The following TPD52L3 variants were observed in gnomAD, a reference collection of about 807,000 sequenced individuals.
TPD52L3 encodes tumor protein D55.
A neutral mutation model predicts 8.7 loss-of-function variants in TPD52L3; 12 were observed. The observed-to-expected ratio is 1.38, with a 90% CI of 0.89 to 2.24. The LOEUF (loss-of-function observed/expected upper bound fraction) is 2.24, where lower values mean the gene tolerates loss of function less well. Among genes scored for constraint, TPD52L3 ranks in the 30% most tolerant of loss-of-function variants. The pLI, the probability that TPD52L3 is intolerant of heterozygous loss-of-function variation, is 0.00. For synonymous variants in TPD52L3, 79 were observed against 66.8 expected, an observed-to-expected ratio of 1.18 and a Z score of -0.89; for missense variants, 207 against 158.7, an observed-to-expected ratio of 1.30 and a Z score of -1.64.
rs1818151963 is a variant in TPD52L3 at position 6,331,644 on chromosome 9, T to A, written c.*625T>A. 1 of 152,140 alleles carries A rather than the reference T, an allele frequency of 6.6e-6. No individual in the cohort carries two copies. Among genetic ancestry groups the A allele is most frequent in the African/African-American group, 2.4e-5 (1 of 41,436 alleles). 9.4% of individuals were successfully genotyped at this position (152,140 alleles called of 1,614,324 possible). On this transcript the variant is annotated 3_prime_UTR_variant, in exon 2 of 2. Coordinates refer to ENST00000314556, the MANE Select transcript of TPD52L3 (RefSeq NM_001001874.3). ...AAGCACTTAAGTAAAAAAGTAACTATCAAATTTTTGTTTTAGATTACTCTG... is the reference window on the plus strand; with the variant it reads ...AAGCACTTAAGTAAAAAAGTAACTAACAAATTTTTGTTTTAGATTACTCTG...
chr9:6,330,591 A>C, intron 1 of TPD52L3: 1 of 1,164,556 alleles, frequency 8.6e-7, no homozygotes, highest in Non-Finnish European at 1.1e-6. Context: ...CTGTAAAGTT[A>C]CTCATGTATC....
rs762613940 is a variant in TPD52L3, at chr9:6,328,928, C to T, written c.333C>T (p.Gly111=). 1.9e-6 allele frequency: 3 copies of T among 1,614,144 alleles called. No individual in the cohort carries two copies. Among genetic ancestry groups the T allele is most frequent in the Admixed American group, 3.3e-5 (2 of 60,026 alleles). The change falls in exon 1 of 2, where the codon GGC becomes GGT. Residue 111 remains glycine (G), a synonymous_variant. Coordinates refer to ENST00000314556, the MANE Select transcript of TPD52L3 (RefSeq NM_001001874.3). Reference sequence around the variant, plus strand: ...CTCTCATCTGCAGGAAGCTTGGAGGCGTGAAGAAGTCGGCCACATTCAGAT... The same window carrying T: ...CTCTCATCTGCAGGAAGCTTGGAGGTGTGAAGAAGTCGGCCACATTCAGAT... ...MGTLICRKLG[G]VKKSATFRSF...
At chr9:6,329,952 T>C in intron 1 of TPD52L3, 1 of 1,316,246 alleles carries the variant, frequency 7.6e-7, no homozygotes, top group Non-Finnish European at 9.7e-7. Flanking sequence ...ATAGCAGCAC[T>C]TCACTTAAAA....
intron 1 of TPD52L3, chr9:6,330,092 G>T: frequency 1.9e-6 from 3 of 1,586,738 alleles, no homozygotes; most frequent in South Asian, 2.3e-5. Flanking sequence ...TAAAAAGAAC[G>T]TCTGTCCCCT....
chr9:6,329,504 T>C (rs1424020783), intron 1 of TPD52L3: 3 of 1,011,504 alleles, frequency 3.0e-6, no homozygotes. Context: ...AACTAGCTTA[T>C]TAGAAAGCCA....
chr9:6,331,113 C>T lies in TPD52L3; in HGVS notation c.*94C>T, dbSNP rs574523295. 1.8e-5 allele frequency: 25 copies of T among 1,380,072 alleles called. No homozygotes were observed. In the East Asian group the frequency reaches 2.1e-4, roughly 11 times the overall value. 85.5% of individuals were successfully genotyped at this position (1,380,072 alleles called of 1,614,324 possible). ...TCCTTCTGCTTTTAAACAAAAATAT[C>T]GTGTTTATTCAAAGCCAATCTGAGA... On this transcript the variant is annotated 3_prime_UTR_variant, in exon 2 of 2. Transcript: ENST00000314556.
At chr9:6,329,891 T>C in intron 1 of TPD52L3, 2 of 1,227,720 alleles carry the variant, frequency 1.6e-6, no homozygotes, top group East Asian at 3.6e-5. Flanking sequence ...TTTCTTTATA[T>C]ATCAAAATGA....
chr9:6,329,040 TG>T (rs751197827), intron 1 of TPD52L3, 78 bp downstream of exon 1: 53 of 1,608,104 alleles, frequency 3.3e-5, no homozygotes, highest in Non-Finnish European at 4.5e-5. Context: ...CTGCGGAGGG[TG>T]GGGTTGATCT....
rs1029171733 is a variant in TPD52L3, at chr9:6,331,821, T to C, written c.*802T>C. ...ATATTATTGAAGCTGGAGTTGCACATTCATTTTGCTTTGGCTTTTTTGTAT... is the reference window on the plus strand; with the variant it reads ...ATATTATTGAAGCTGGAGTTGCACACTCATTTTGCTTTGGCTTTTTTGTAT... On this transcript the variant is annotated 3_prime_UTR_variant, in exon 2 of 2. Coordinates refer to ENST00000314556, the MANE Select transcript of TPD52L3 (RefSeq NM_001001874.3). 5.9e-5 allele frequency: 9 copies of C among 152,204 alleles called. No homozygotes were observed. The highest frequency in any genetic ancestry group is 2.2e-4 in the African/African-American group (9 of 41,458). The allele number at this position is 152,204 out of a possible 1,614,324, so 9.4% of individuals were successfully genotyped here.
rs928506214 is a variant in TPD52L3, at chr9:6,328,430, G to A, written c.-166G>A. On this transcript the variant is annotated 5_prime_UTR_variant, in exon 1 of 2. The change abolishes an upstream ATG in the 5' untranslated region. Transcript: ENST00000314556. ...GTGTCCATTGTACCAGCTGGGCCAT[G>A]GATCCCTCCCGCCTGAAATCTGACT... The A allele has an allele frequency of 3.8e-6, 3 of 788,680 alleles. No homozygotes were observed. The Admixed American group carries it at 7.9e-5, about 21-fold the overall frequency. 48.9% of individuals were successfully genotyped at this position (788,680 alleles called of 1,614,324 possible).
At position 6,328,453 on chromosome 9, in the gene TPD52L3, A is replaced by G; in HGVS notation, c.-143A>G. The G allele has an allele frequency of 4.0e-6, 4 of 1,012,110 alleles. No individual in the cohort carries two copies. The highest frequency in any genetic ancestry group is 1.4e-6 in the Non-Finnish European group (1 of 690,996). 62.7% of individuals were successfully genotyped at this position (1,012,110 alleles called of 1,614,324 possible). On this transcript the variant is annotated 5_prime_UTR_variant, in exon 1 of 2. Coordinates refer to ENST00000314556, the MANE Select transcript of TPD52L3 (RefSeq NM_001001874.3). Reference sequence around the variant, plus strand: ...ATGGATCCCTCCCGCCTGAAATCTGACTCCACCTGCCAAGAGTCTGAGCCT... The same window carrying G: ...ATGGATCCCTCCCGCCTGAAATCTGGCTCCACCTGCCAAGAGTCTGAGCCT...
intron 1 of TPD52L3, chr9:6,329,233 A>G (rs1818094144): frequency 2.2e-6 from 3 of 1,364,580 alleles, no homozygotes; most frequent in Non-Finnish European, 2.8e-6. Context: ...TACATTTGCA[A>G]CTCTGCCCAA....
rs1818156950 is a variant in TPD52L3 at position 6,331,875 on chromosome 9, T to G, written c.*856T>G. The G allele has an allele frequency of 6.6e-6, 1 of 152,190 alleles. No homozygotes were observed. The highest frequency in any genetic ancestry group is 1.5e-5 in the Non-Finnish European group (1 of 68,036). 9.4% of individuals were successfully genotyped at this position (152,190 alleles called of 1,614,324 possible). ...TGGTCATGGGCACCAAATAAAATGC[T>G]TCCATGAACATTTGGATTCTGGCTC... On this transcript the variant is annotated 3_prime_UTR_variant, in exon 2 of 2. Coordinates refer to ENST00000314556, the MANE Select transcript of TPD52L3 (RefSeq NM_001001874.3).
At chr9:6,329,507 G>T (rs1818101927) in intron 1 of TPD52L3, 2 of 1,011,548 alleles carry the variant, frequency 2.0e-6, no homozygotes, top group South Asian at 8.9e-5. Context: ...TAGCTTATTA[G>T]AAAGCCAAAG....
chr9:6,330,187 C>T (rs1185499120), intron 1 of TPD52L3: 2 of 1,613,844 alleles, frequency 1.2e-6, no homozygotes, highest in African/African-American at 2.7e-5. Context: ...TTTAGGAAAC[C>T]CTAAAGGAGA....
At position 6,328,404 on chromosome 9, in the gene TPD52L3, G is replaced by C; in HGVS notation, c.-192G>C. On this transcript the variant is annotated 5_prime_UTR_variant, in exon 1 of 2. Coordinates refer to ENST00000314556, the MANE Select transcript of TPD52L3 (RefSeq NM_001001874.3). ...GCCAGGTCGTCAACTCAACTGTCAA[G>C]GTGTCCATTGTACCAGCTGGGCCAT... 1.8e-6 allele frequency: 1 copy of C among 566,240 alleles called. No homozygotes were observed. 35.1% of individuals were successfully genotyped at this position (566,240 alleles called of 1,614,324 possible).
intron 1 of TPD52L3, chr9:6,330,171 C>G: frequency 6.2e-7 from 1 of 1,613,986 alleles, no homozygotes; most frequent in Non-Finnish European, 8.5e-7. Flanking sequence ...CAAGTCTGCC[C>G]TTCTTTTTAG....
In TPD52L3 at chr9:6,330,933, A is replaced by G. The variant is rs770493517; in HGVS notation, c.368-43A>G. Reference sequence around the variant, plus strand: ...CAACTCCGTAAAAGTAGTAAAGTACATATTTATTTTTGCTGATCATTGTTT... The same window carrying G: ...CAACTCCGTAAAAGTAGTAAAGTACGTATTTATTTTTGCTGATCATTGTTT... On this transcript the variant is annotated intron_variant, in intron 1 of 1. Coordinates refer to ENST00000314556, the MANE Select transcript of TPD52L3 (RefSeq NM_001001874.3). 2.5e-6 allele frequency: 4 copies of G among 1,608,140 alleles called. No individual in the cohort carries two copies. In the South Asian group the frequency reaches 4.5e-5, roughly 18 times the overall value.
rs1351491242 is a variant in TPD52L3 at position 6,330,721 on chromosome 9, T to C, written c.368-255T>C. ...TATCAACCAAAATGGCTTTGTATGC[T>C]GGAGAACAAGAGGTGAGCCTGCAGC... On this transcript the variant is annotated intron_variant, in intron 1 of 1. Coordinates refer to ENST00000314556, the MANE Select transcript of TPD52L3 (RefSeq NM_001001874.3). 6 of 1,264,738 alleles carry C rather than the reference T, an allele frequency of 4.7e-6. No individual in the cohort carries two copies. The South Asian group carries it at 1.5e-4, about 32-fold the overall frequency. The allele number at this position is 1,264,738 out of a possible 1,614,324, so 78.3% of individuals were successfully genotyped here. A position where few individuals can be genotyped will look rare whatever the true frequency, so the allele number is the denominator to read the frequency against.
Sources: allele counts gnomAD v4.1 joint callset, GRCh38; gene constraint gnomAD v4.1.1; transcripts MANE v1.5; gene names NCBI Gene and HGNC (gene_info 2026-07-23, HGNC 2026-07-21).